FRMPD3: variants seen among roughly 807,000 people sequenced by gnomAD.
The protein encoded by FRMPD3 is FERM and PDZ domain containing 3.
A neutral mutation model predicts 97.9 loss-of-function variants in FRMPD3; 42 were observed. The observed-to-expected ratio is 0.43, with a 90% confidence interval of 0.34 to 0.55. The LOEUF is 0.55. FRMPD3 is among the 20% of genes least tolerant of loss of function. The pLI is 0.03. For synonymous variants in FRMPD3, 577 were observed against 581.1 expected, an observed-to-expected ratio of 0.99 and a Z score of 0.10; for missense variants, 1,303 against 1,457.7, an observed-to-expected ratio of 0.89 and a Z score of 1.73.
intron 13 of FRMPD3, among the ~76,000 whole-genome samples, chrX:107,591,240 C>T (rs1278717211): frequency 1.8e-5 from 2 of 109,113 alleles, no homozygotes; most frequent in African/African-American, 6.7e-5. Context: ...TCACTGCAAC[C>T]TCCACCTCCC....
rs1924522545 is a variant in FRMPD3 at position 107,601,726 on chromosome X, G to A, written c.3687G>A (p.Lys1229=). 1 of 1,211,433 alleles carries A rather than the reference G, an allele frequency of 8.3e-7. No individual in the cohort carries two copies. The highest frequency in any genetic ancestry group is 1.1e-6 in the Non-Finnish European group (1 of 895,551). The change falls in exon 15 of 15, where the codon AAG becomes AAA. Residue 1229 remains lysine, a synonymous_variant. Coordinates refer to ENST00000683843, the MANE Select transcript of FRMPD3 (RefSeq NM_001388459.1). ...LFSATFPTRQ[K]KETDERQAQL... is the part of the protein sequence containing the mutation. ...CTGCCACCTTCCCAACCCGCCAGAA[G>A]AAGGAGACAGATGAGCGGCAGGCCC...
At chrX:107,471,931 T>C (rs993051234) in intron 1 of FRMPD3, among the ~76,000 whole-genome samples, 3 of 112,345 alleles carry the variant, frequency 2.7e-5, no homozygotes, top group Admixed American at 9.4e-5. Context: ...TATAAAAGCG[T>C]TCCTATTTCT....
Position 107,515,333 on chromosome X carries a change from G to A in FRMPD3, c.-7-11249G>A, listed in dbSNP as rs753514245. Among the ~76,000 whole-genome samples, 17 of 111,617 alleles carry A rather than the reference G, an allele frequency of 1.5e-4. No individual in the cohort carries two copies. In the East Asian group the frequency reaches 4.8e-3, roughly 31 times the overall value. ...CAGAGAGGTTGGAGGACAGTCTGGA[G>A]GTAGTCCTAGAAGCCAGGAGAGGAG... On this transcript the variant is annotated intron_variant, in intron 1 of 14. Coordinates refer to ENST00000683843, the MANE Select transcript of FRMPD3 (RefSeq NM_001388459.1).
intron 1 of FRMPD3, among the ~76,000 whole-genome samples, chrX:107,471,870 C>T (rs945287651): frequency 8.9e-6 from 1 of 112,349 alleles, no homozygotes; most frequent in African/African-American, 3.2e-5. Context: ...CTTGAAGAAT[C>T]GCCATACTGT....
At chrX:107,599,836 C>T (rs183826913) in intron 14 of FRMPD3, among the ~76,000 whole-genome samples, 1 of 110,618 alleles carries the variant, frequency 9.0e-6, no homozygotes, top group African/African-American at 3.3e-5. Flanking sequence ...CCTGCATTCT[C>T]GCCAGGCCTG....
intron 13 of FRMPD3, 130 bp from the exon 14 acceptor site, chrX:107,597,191 G>A: frequency 1.8e-6 from 1 of 560,578 alleles, no homozygotes; most frequent in Non-Finnish European, 2.9e-6. Flanking sequence ...ATCTTTGGCA[G>A]CCAGGTAATG....
At chrX:107,588,978 C>T (rs772920237) in intron 13 of FRMPD3, among the ~76,000 whole-genome samples, 2 of 111,815 alleles carry the variant, frequency 1.8e-5, no homozygotes, top group Middle Eastern at 4.6e-3. Flanking sequence ...GCTCCTCTAA[C>T]CTTTTATCAA....
At position 107,560,357 on chromosome X, in the gene FRMPD3, C is replaced by A. The variant is rs753103772; in HGVS notation, c.863C>A (p.Thr288Asn). 13 of 1,206,887 alleles carry A rather than the reference C, an allele frequency of 1.1e-5. No homozygotes were observed. The highest frequency in any genetic ancestry group is 1.8e-5 in the African/African-American group (1 of 56,533). The change falls in exon 9 of 15, where the codon ACT becomes AAT. Residue 288 changes from threonine (T) to asparagine (N), a missense_variant. Transcript: ENST00000683843. Reference protein sequence around the residue: ...ALHIYITVSATRPSQKISLKN... With the variant: ...ALHIYITVSANRPSQKISLKN... ...CACATCTATATCACTGTCTCAGCCA[C>A]TCGACCTAGTCAGAAGATCTCGCTC...
intron 13 of FRMPD3, 131 bp downstream of exon 13, chrX:107,576,590 T>C (rs1923126718): frequency 1.5e-6 from 1 of 680,980 alleles, no homozygotes; most frequent in Non-Finnish European, 2.2e-6. Context: ...GAGCCAACAC[T>C]GTACCACTAT....
chrX:107,531,943 A>T (rs1922987644), intron 3 of FRMPD3, among the ~76,000 whole-genome samples: 1 of 111,703 alleles, frequency 9.0e-6, no homozygotes, highest in African/African-American at 3.3e-5. Flanking sequence ...TGGATTATTC[A>T]TTCATTCATT....
intron 12 of FRMPD3, among the ~76,000 whole-genome samples, chrX:107,573,047 A>G (rs956936348): frequency 1.3e-4 from 15 of 111,325 alleles, no homozygotes; most frequent in Admixed American, 4.8e-4. Flanking sequence ...GTGTATCCCA[A>G]CCTTTTCCAT....
chrX:107,541,344 A>T (rs1921292272), intron 4 of FRMPD3, among the ~76,000 whole-genome samples: 1 of 112,444 alleles, frequency 8.9e-6, no homozygotes, highest in South Asian at 3.7e-4. Context: ...GTCTGAGCAT[A>T]AGGCTAGATG....
chrX:107,538,655 T>C (rs1429707052), intron 4 of FRMPD3, among the ~76,000 whole-genome samples: 1 of 110,061 alleles, frequency 9.1e-6, no homozygotes, highest in East Asian at 2.9e-4. Context: ...TCCTACATAC[T>C]GTGGCTGGTA....
At chrX:107,546,407 C>T (rs1033049108) in intron 5 of FRMPD3, among the ~76,000 whole-genome samples, 2 of 112,078 alleles carry the variant, frequency 1.8e-5, no homozygotes, top group Non-Finnish European at 3.8e-5. Context: ...CCAGATACCT[C>T]TCAGCAATGT....
At chrX:107,558,492 G>C (rs1922204075) in intron 8 of FRMPD3, among the ~76,000 whole-genome samples, 1 of 110,697 alleles carries the variant, frequency 9.0e-6, no homozygotes, top group Admixed American at 9.7e-5. Context: ...TAAAAGAATA[G>C]AAATACAATT....
chrX:107,549,993 T>A, intron 5 of FRMPD3, 56 bp from the exon 6 acceptor site: 2 of 783,346 alleles, frequency 2.6e-6, no homozygotes, highest in Non-Finnish European at 1.9e-6. Flanking sequence ...TTCCTCTGGC[T>A]TCCTACTTCC....
chrX:107,572,908 C>CTACTACTACTACTAATAATAA (rs796610991), intron 12 of FRMPD3, among the ~76,000 whole-genome samples: 10 of 101,007 alleles, frequency 9.9e-5, no homozygotes, highest in Middle Eastern at 5.1e-3. Context: ...ACTACTACTA[C>CTACTACTACTACTAATAATAA]TAATAATAAT....
At chrX:107,474,020 G>T (rs1461219797) in intron 1 of FRMPD3, among the ~76,000 whole-genome samples, 2 of 112,535 alleles carry the variant, frequency 1.8e-5, no homozygotes, top group Admixed American at 9.4e-5. Flanking sequence ...GGGAGGCGGA[G>T]GTTACAGTGA....
In FRMPD3 at chrX:107,597,869, C is replaced by T; in HGVS notation, c.1990C>T (p.Pro664Ser). The T allele has an allele frequency of 2.5e-6, 3 of 1,203,855 alleles. No homozygotes were observed. The highest frequency in any genetic ancestry group is 3.4e-6 in the Non-Finnish European group (3 of 892,158). Residue 664 changes from proline to serine, a missense_variant, in exon 14 of 15, where the codon CCA becomes TCA. Physicochemically the swap from Pro to Ser is moderately conservative, Grantham distance 74. Coordinates refer to ENST00000683843, the MANE Select transcript of FRMPD3 (RefSeq NM_001388459.1). Reference protein sequence around the residue: ...EEEDETTSLLPAIAAPPPGFR... With the variant: ...EEEDETTSLLSAIAAPPPGFR... ...GGAAGATGAGACAACTTCTCTGTTGCCAGCCATTGCTGCCCCACCCCCTGG... is the reference window on the plus strand; with the variant it reads ...GGAAGATGAGACAACTTCTCTGTTGTCAGCCATTGCTGCCCCACCCCCTGG...
Sources: gnomAD v4.1 joint callset for allele counts (sites outside exome capture counted in the v4.1 genomes callset) on GRCh38, gnomAD v4.1.1 for gene constraint, MANE v1.5 for transcripts, NCBI Gene and HGNC (gene_info 2026-07-23, HGNC 2026-07-21) for gene names.